COL6A5: variants seen among roughly 807,000 people sequenced by gnomAD.
COL6A5 encodes the protein collagen type VI alpha 5 chain.
A neutral mutation model predicts 65.6 loss-of-function variants in COL6A5; 48 were observed. The ratio of observed to expected loss-of-function variants is 0.73; its 90% CI spans 0.58 to 0.93. The LOEUF (loss-of-function observed/expected upper bound fraction) is 0.93, where lower values mean the gene tolerates loss of function less well. COL6A5 is among the 40% of genes least tolerant of loss of function. The pLI, the probability that COL6A5 is intolerant of heterozygous loss-of-function variation, is 0.00. For missense variants in COL6A5, 914 were observed against 928.3 expected (o/e 0.98, Z 0.20); for synonymous variants, 291 against 322.8 (o/e 0.90, Z 1.05).
chr3:130,426,491 G>A, upstream of COL6A5: 1 of 1,307,150 alleles, frequency 7.7e-7, no homozygotes, highest in Non-Finnish European at 1.1e-6. Context: ...GAGATCAGTA[G>A]GATGAGTTCA....
chr3:130,472,276 G>A (rs889958129), intron 7 of COL6A5, among the ~76,000 whole-genome samples: 3 of 151,982 alleles, frequency 2.0e-5, no homozygotes, highest in Non-Finnish European at 4.4e-5. Flanking sequence ...AGCCTCCAGA[G>A]TTTTAATACT....
intron 11 of COL6A5, 64 bp downstream of exon 11, chr3:130,401,237 T>A (rs1577471450): frequency 1.4e-6 from 2 of 1,413,090 alleles, no homozygotes; most frequent in South Asian, 2.9e-5. Flanking sequence ...GGAATCTTGA[T>A]GAGAACTTTC....
chr3:130,429,626 T>A, upstream of COL6A5: 1 of 1,511,342 alleles, frequency 6.6e-7, no homozygotes, highest in Non-Finnish European at 8.9e-7. Context: ...AGATCATTAC[T>A]GCTGCATTCC....
At chr3:130,434,683 A>G (rs1009185595) in intron 1 of COL6A5, among the ~76,000 whole-genome samples, 2 of 152,166 alleles carry the variant, frequency 1.3e-5, no homozygotes, top group African/African-American at 2.4e-5. Flanking sequence ...TTCTCTAATG[A>G]TCAGTGATGT....
rs62929660 is a variant in COL6A5, at chr3:130,455,150, C to CAAAA, written c.1333-295_1333-292dup. Among the ~76,000 whole-genome samples, 150 of 130,222 alleles carry CAAAA rather than the reference C, an allele frequency of 1.2e-3. 3 individuals carry two copies. The highest frequency in any genetic ancestry group is 3.8e-4 in the Non-Finnish European group (23 of 60,362). The allele number at this position is 130,222 out of a possible 152,430, so 85.4% of individuals were successfully genotyped here. A position where few individuals can be genotyped will look rare whatever the true frequency, so the allele number is the denominator to read the frequency against. On this transcript the variant is annotated intron_variant, in intron 4 of 7. Transcript: ENST00000512836. ...GTCTCAAAAGAGCAAGACCCTGTCTCAAAAAAAAAAAAACAAACAAACAAT... is the reference window on the plus strand; with the variant it reads ...GTCTCAAAAGAGCAAGACCCTGTCTCAAAAAAAAAAAAAAAAACAAACAAACAAT...
chr3:130,419,391 T>C (rs1183215034), intron 25 of COL6A5, among the ~76,000 whole-genome samples: 2 of 152,272 alleles, frequency 1.3e-5, no homozygotes, highest in South Asian at 4.1e-4. Flanking sequence ...GCAGCCAGTA[T>C]AGGAACAATT....
chr3:130,379,424 T>C (rs1935907690), exon 4 of COL6A5: 1 of 1,550,366 alleles, frequency 6.5e-7, no homozygotes, highest in Non-Finnish European at 8.7e-7. Context: ...ATAGTTCACT[T>C]CCCCATATCC....
intron 7 of COL6A5, among the ~76,000 whole-genome samples, chr3:130,478,655 A>C (rs1209280414): frequency 6.6e-6 from 1 of 152,076 alleles, no homozygotes; most frequent in Non-Finnish European, 1.5e-5. Context: ...TTTGCCCCAG[A>C]TGTAAAACCC....
chr3:130,429,219 G>A (rs182034059), upstream of COL6A5, among the ~76,000 whole-genome samples: 354 of 152,292 alleles, frequency 2.3e-3, 7 homozygotes, highest in Admixed American at 0.02. Context: ...ACTCTCAGAA[G>A]GCTATAAGAT....
At chr3:130,379,014 C>T (rs572013693) in intron 3 of COL6A5, among the ~76,000 whole-genome samples, 19 of 152,122 alleles carry the variant, frequency 1.2e-4, no homozygotes, top group African/African-American at 3.6e-4. Context: ...GTAAAGGTAG[C>T]GGTGATGGTG....
chr3:130,440,908 A>G (rs1287465058), intron 3 of COL6A5, 83 bp downstream of exon 35: 5 of 995,970 alleles, frequency 5.0e-6, no homozygotes, highest in African/African-American at 3.3e-5. Context: ...TTTTGTATCT[A>G]TAGCTAATCT....
At chr3:130,463,868 T>A (rs142928805) in intron 5 of COL6A5, among the ~76,000 whole-genome samples, 1,780 of 152,208 alleles carry the variant, frequency 0.012, 35 homozygotes, top group African/African-American at 0.039. Context: ...TCAAGGTACA[T>A]CATCCACATT....
intron 1 of COL6A5, among the ~76,000 whole-genome samples, chr3:130,348,966 TG>T (rs1934603402): frequency 6.6e-6 from 1 of 152,154 alleles, no homozygotes; most frequent in African/African-American, 2.4e-5. Flanking sequence ...TGGGGTTGTT[TG>T]TTTTTCTGTT....
At chr3:130,384,779 T>C in intron 4 of COL6A5, 25 bp from the exon 5 acceptor site, 1 of 1,491,222 alleles carries the variant, frequency 6.7e-7, no homozygotes, top group Non-Finnish European at 8.9e-7. Flanking sequence ...TTCTCTAATT[T>C]ACAGAGAATG....
chr3:130,430,402 A>T (rs1937751711), upstream of COL6A5, among the ~76,000 whole-genome samples: 1 of 152,210 alleles, frequency 6.6e-6, no homozygotes, highest in African/African-American at 2.4e-5. Flanking sequence ...TTTTATTTCT[A>T]AGAACAGTGG....
intron 1 of COL6A5, among the ~76,000 whole-genome samples, chr3:130,346,518 G>A (rs185702800): frequency 2.6e-4 from 39 of 152,276 alleles, no homozygotes; most frequent in African/African-American, 8.9e-4. Flanking sequence ...CTTGGTTTGT[G>A]GGAATTCTAT....
In COL6A5 at chr3:130,379,883, A is replaced by G. The variant is rs1223744707; in HGVS notation, c.1133A>G (p.Asn378Ser). ...GCCTTGAGCATCCAAGGGGCTAACA[A>G]TACCCAGTTAGAAGAAATAGTGTCT... The change falls in exon 4 of 42, where the codon AAT (asparagine) becomes AGT (serine). Residue 378 changes from asparagine (N) to serine (S), a missense_variant and NMD_transcript_variant. Coordinates refer to the COL6A5 transcript ENST00000312481. The G allele has an allele frequency of 3.2e-6, 5 of 1,551,252 alleles. No individual in the cohort carries two copies. In the South Asian group the frequency reaches 4.8e-5, roughly 15 times the overall value.
At chr3:130,444,810 A>G (rs1005651930) in intron 4 of COL6A5, among the ~76,000 whole-genome samples, 8 of 152,194 alleles carry the variant, frequency 5.3e-5, no homozygotes, top group African/African-American at 1.4e-4. Context: ...AGTGAGCTTG[A>G]GAGGATTCAA....
chr3:130,468,875 G>A, exon 6 of COL6A5: 1 of 1,611,888 alleles, frequency 6.2e-7, no homozygotes, highest in Non-Finnish European at 8.5e-7. Context: ...ATATTACATG[G>A]ATGTGGCTTT....
Sources: allele counts gnomAD v4.1 joint callset (sites outside exome capture counted in the v4.1 genomes callset), GRCh38; gene constraint gnomAD v4.1.1; transcripts MANE v1.5; gene names NCBI Gene and HGNC (gene_info 2026-07-23, HGNC 2026-07-21).